The following SNX29 variants were observed in gnomAD, a reference collection of about 807,000 sequenced individuals.
SNX29 encodes sorting nexin 29.
Under a neutral mutation model 102.1 loss-of-function variants are expected in SNX29, and 78 were observed. The observed-to-expected ratio is 0.76, with a 90% CI of 0.64 to 0.92. The LOEUF (loss-of-function observed/expected upper bound fraction) is 0.92, where lower values mean the gene tolerates loss of function less well. Ranked by LOEUF, SNX29 falls within the 40% of genes least tolerant of loss-of-function variation. SNX29 has a pLI of 0.00. For missense variants in SNX29, 1,280 were observed against 1,061.7 expected (o/e 1.21, Z -2.86); for synonymous variants, 580 against 414.5 (o/e 1.40, Z -4.85).
At chr16:12,524,552 G>T in intron 19 of SNX29, 150 bp from the exon 20 acceptor site, 2 of 770,510 alleles carry the variant, frequency 2.6e-6, no homozygotes, top group Non-Finnish European at 1.9e-6. Context: ...GATACTACAT[G>T]TAAGGGCTTA....
chr16:12,000,774 C>G (rs906474120), intron 2 of SNX29, among the ~76,000 whole-genome samples: 2 of 152,156 alleles, frequency 1.3e-5, no homozygotes, highest in African/African-American at 4.8e-5. Flanking sequence ...AGGTCACAGG[C>G]TTTTGGCTCA....
At chr16:12,328,276 A>G (rs1289686919) in intron 15 of SNX29, among the ~76,000 whole-genome samples, 1 of 152,136 alleles carries the variant, frequency 6.6e-6, no homozygotes, top group Non-Finnish European at 1.5e-5. Context: ...CGATGTTTCT[A>G]GCTTGTTGAT....
chr16:12,553,219 A>C (rs1275685091), intron 20 of SNX29, among the ~76,000 whole-genome samples: 1 of 152,204 alleles, frequency 6.6e-6, no homozygotes, highest in African/African-American at 2.4e-5. Flanking sequence ...CCATGCTCGC[A>C]GATGGGGACT....
intron 16 of SNX29, 95 bp from the exon 17 acceptor site, chr16:12,398,351 A>G (rs2083792769): frequency 7.5e-7 from 1 of 1,330,478 alleles, no homozygotes; most frequent in Non-Finnish European, 1.1e-6. Flanking sequence ...GGAAATGTTC[A>G]GGGATCTCTG....
intron 15 of SNX29, among the ~76,000 whole-genome samples, chr16:12,313,772 A>G (rs921722731): frequency 4.6e-5 from 7 of 152,226 alleles, no homozygotes; most frequent in Admixed American, 6.5e-5. Context: ...CAGTTGAGTC[A>G]GTGATTCTGT....
intron 20 of SNX29, among the ~76,000 whole-genome samples, chr16:12,566,371 CCAA>C (rs2079008514): frequency 6.6e-6 from 1 of 152,076 alleles, no homozygotes; most frequent in Admixed American, 6.5e-5. Flanking sequence ...CCTCTCCCAA[CCAA>C]CAAGGCACTG....
chr16:12,130,214 C>T (rs1473026715), intron 13 of SNX29, among the ~76,000 whole-genome samples: 1 of 148,788 alleles, frequency 6.7e-6, no homozygotes. Context: ...TGATGGCTGA[C>T]ACCTGTAATC....
chr16:12,570,982 C>G lies in SNX29; in HGVS notation c.*2353C>G. On this transcript the variant is annotated 3_prime_UTR_variant, in exon 21 of 21. Transcript: ENST00000566228. ...CAGCTGCCTGCTCCTGGTACCTCCC[C>G]CATGATCATGCACAGACCGTAGAGT... is the stretch of plus-strand genomic sequence containing the variant. 1 of 232,522 alleles carries G rather than the reference C, an allele frequency of 4.3e-6. No homozygotes were observed. Among genetic ancestry groups the G allele is most frequent in the Non-Finnish European group, 8.5e-6 (1 of 117,562 alleles). 14.4% of individuals were successfully genotyped at this position (232,522 alleles called of 1,614,324 possible). A position where few individuals can be genotyped will look rare whatever the true frequency, so the allele number is the denominator to read the frequency against.
chr16:11,976,773 G>GCGC lies in SNX29; in HGVS notation c.-33_-31dup. 1 of 1,320,534 alleles carries GCGC rather than the reference G, an allele frequency of 7.6e-7. No individual in the cohort carries two copies. Among genetic ancestry groups the GCGC allele is most frequent in the Non-Finnish European group, 9.7e-7 (1 of 1,033,102 alleles). The allele number at this position is 1,320,534 out of a possible 1,614,324, so 81.8% of individuals were successfully genotyped here. ...AGCCGCAGAAGCGGCAGCGGCGGCG[G>GCGC]CGCGGCGCAGGCACCGGCCCGGGGA... On this transcript the variant is annotated 5_prime_UTR_variant, in exon 1 of 21. Transcript: ENST00000566228.
At chr16:12,259,310 C>G (rs994971234) in intron 14 of SNX29, among the ~76,000 whole-genome samples, 5 of 152,200 alleles carry the variant, frequency 3.3e-5, no homozygotes, top group Non-Finnish European at 7.3e-5. Context: ...GCTGGGCCAC[C>G]TGGCTGCTCG....
At chr16:12,553,589 C>A (rs1207394254) in intron 20 of SNX29, among the ~76,000 whole-genome samples, 1 of 84,612 alleles carries the variant, frequency 1.2e-5, no homozygotes, top group African/African-American at 4.5e-5. Flanking sequence ...ATGCTTTGTT[C>A]CCCACCCCCC....
At chr16:12,527,604 C>G (rs983119430) in intron 20 of SNX29, among the ~76,000 whole-genome samples, 1 of 152,114 alleles carries the variant, frequency 6.6e-6, no homozygotes, top group South Asian at 2.1e-4. Flanking sequence ...CCAATGAAAT[C>G]TATTTCATAG....
chr16:12,441,628 T>G (rs183687392), intron 18 of SNX29, among the ~76,000 whole-genome samples: 3 of 152,348 alleles, frequency 2.0e-5, no homozygotes, highest in Non-Finnish European at 4.4e-5. Flanking sequence ...TTAATGTCGG[T>G]AAAGTCCAAT....
intron 20 of SNX29, among the ~76,000 whole-genome samples, chr16:12,565,293 C>G (rs529886958): frequency 2.2e-4 from 33 of 152,296 alleles, no homozygotes; most frequent in African/African-American, 7.5e-4. Context: ...CAGCAGCCAC[C>G]AGCACTCTCC....
intron 13 of SNX29, among the ~76,000 whole-genome samples, chr16:12,166,126 T>C (rs2056011086): frequency 6.6e-6 from 1 of 152,244 alleles, no homozygotes; most frequent in Admixed American, 6.5e-5. Context: ...GCAGCAGTCT[T>C]GGTTAAAAAT....
chr16:12,190,441 C>G (rs1318088027), intron 13 of SNX29, among the ~76,000 whole-genome samples: 1 of 152,170 alleles, frequency 6.6e-6, no homozygotes, highest in Non-Finnish European at 1.5e-5. Context: ...AGAAGCTTGT[C>G]TAGAATACGC....
At chr16:11,994,795 AG>A (rs2055995562) in intron 1 of SNX29, among the ~76,000 whole-genome samples, 1 of 152,164 alleles carries the variant, frequency 6.6e-6, no homozygotes, top group Admixed American at 6.5e-5. Flanking sequence ...CAAAGGGAGA[AG>A]GTAAGAAGGA....
intron 14 of SNX29, among the ~76,000 whole-genome samples, chr16:12,258,158 G>T (rs898252248): frequency 2.0e-5 from 3 of 152,102 alleles, no homozygotes; most frequent in African/African-American, 7.2e-5. Context: ...CTGATGAAAG[G>T]CCTCCAACAG....
intron 13 of SNX29, among the ~76,000 whole-genome samples, chr16:12,152,199 C>A (rs1374317053): frequency 6.6e-6 from 1 of 151,810 alleles, no homozygotes; most frequent in South Asian, 2.1e-4. Context: ...CCAGCCTGGG[C>A]AGCAAAGCAA....
Sources: gnomAD v4.1 joint callset for allele counts (sites outside exome capture counted in the v4.1 genomes callset) on GRCh38, gnomAD v4.1.1 for gene constraint, MANE v1.5 for transcripts, NCBI Gene and HGNC (gene_info 2026-07-23, HGNC 2026-07-21) for gene names.